The following OSBPL6 variants were observed in gnomAD, a reference collection of about 807,000 sequenced individuals.
OSBPL6 encodes the protein oxysterol-binding protein-related protein 6.
OSBPL6 carries 49 observed loss-of-function variants against 125.8 expected under a neutral mutation model. The observed-to-expected ratio is 0.39, with a 90% confidence interval of 0.31 to 0.49. OSBPL6 has a LOEUF of 0.49. Among genes scored for constraint, OSBPL6 ranks in the 20% least tolerant of loss-of-function variants. The pLI is 0.88. For missense variants in OSBPL6, 986 were observed against 1,135.4 expected (o/e 0.87, Z 1.89); for synonymous variants, 394 against 391.8 (o/e 1.01, Z -0.07).
At chr2:178,369,377 A>C (rs576071216) in intron 13 of OSBPL6, among the ~76,000 whole-genome samples, 2 of 152,198 alleles carry the variant, frequency 1.3e-5, no homozygotes, top group South Asian at 4.1e-4. Flanking sequence ...GCATCAGAAA[A>C]TCCCCAAACC....
chr2:178,235,398 C>CTTTTTTTTTTTTTTTT lies in OSBPL6; in HGVS notation c.-351+40735_-351+40750dup, dbSNP rs540269327. ...CTTTCTTTCCTTTTTCTTTTCTTTT[C>CTTTTTTTTTTTTTTTT]TTTTTTTTTTTTTTTTTTTTTTTTT... On this transcript the variant is annotated intron_variant, in intron 1 of 24. Coordinates refer to ENST00000190611, the MANE Select transcript of OSBPL6 (RefSeq NM_032523.4). Among the ~76,000 whole-genome samples, 252 of 78,018 alleles carry CTTTTTTTTTTTTTTTT rather than the reference C, an allele frequency of 3.2e-3. 8 individuals are homozygous for CTTTTTTTTTTTTTTTT. Among genetic ancestry groups the CTTTTTTTTTTTTTTTT allele is most frequent in the Non-Finnish European group, 4.6e-3 (190 of 40,884 alleles). The allele number at this position is 78,018 out of a possible 152,430, so 51.2% of individuals were successfully genotyped here.
intron 1 of OSBPL6, among the ~76,000 whole-genome samples, chr2:178,208,675 C>G (rs890488187): frequency 7.6e-6 from 1 of 131,952 alleles, no homozygotes; most frequent in Non-Finnish European, 1.6e-5. Flanking sequence ...CCATCCCCTC[C>G]TCTCCCCTCC....
chr2:178,368,229 G>T (rs1412810489), intron 13 of OSBPL6, among the ~76,000 whole-genome samples: 1 of 152,154 alleles, frequency 6.6e-6, no homozygotes, highest in African/African-American at 2.4e-5. Context: ...ATGGCGCTTG[G>T]TTGTAGCAAA....
intron 1 of OSBPL6, among the ~76,000 whole-genome samples, chr2:178,276,764 T>C (rs2092477565): frequency 6.6e-6 from 1 of 151,432 alleles, no homozygotes; most frequent in Non-Finnish European, 1.5e-5. Context: ...TTTTCCCTTT[T>C]ATTACTCCAC....
intron 1 of OSBPL6, among the ~76,000 whole-genome samples, chr2:178,267,896 A>G (rs1263750890): frequency 1.3e-5 from 2 of 151,216 alleles, no homozygotes; most frequent in Non-Finnish European, 1.5e-5. Context: ...CAGTGGAGTG[A>G]TTTTCTCTGC....
At chr2:178,357,317 G>T (rs1313121738) in intron 12 of OSBPL6, among the ~76,000 whole-genome samples, 1 of 152,208 alleles carries the variant, frequency 6.6e-6, no homozygotes, top group Admixed American at 6.5e-5. Flanking sequence ...CAGAATGGGA[G>T]AAGATTTTTG....
chr2:178,354,256 T>C (rs2154093166), intron 12 of OSBPL6, among the ~76,000 whole-genome samples: 1 of 152,278 alleles, frequency 6.6e-6, no homozygotes, highest in African/African-American at 2.4e-5. Flanking sequence ...TAAACGTAAA[T>C]GGGCTAAATG....
At position 178,243,564 on chromosome 2, in the gene OSBPL6, CA is replaced by C. The variant is rs200115274; in HGVS notation, c.-350-41359del. Among the ~76,000 whole-genome samples the C allele has an allele frequency of 7.8e-4, 118 of 152,256 alleles. 2 individuals carry two copies. In the East Asian group the frequency reaches 0.018, roughly 24 times the overall value. On this transcript the variant is annotated intron_variant, in intron 1 of 24. Coordinates refer to ENST00000190611, the MANE Select transcript of OSBPL6 (RefSeq NM_032523.4). Reference sequence around the variant, plus strand: ...TGGCTTAGCCCTATCCATTCATCTCCAAAATATATTCCAAACTCATCCCCTT... The same window carrying C: ...TGGCTTAGCCCTATCCATTCATCTCCAAATATATTCCAAACTCATCCCCTT...
At chr2:178,307,853 C>T (rs934407831) in intron 3 of OSBPL6, among the ~76,000 whole-genome samples, 3 of 152,118 alleles carry the variant, frequency 2.0e-5, no homozygotes, top group Non-Finnish European at 4.4e-5. Context: ...CCTGTAGAAA[C>T]ATCTATCATG....
chr2:178,284,723 T>C (rs1340316697), intron 1 of OSBPL6, among the ~76,000 whole-genome samples: 1 of 152,204 alleles, frequency 6.6e-6, no homozygotes, highest in African/African-American at 2.4e-5. Context: ...ATGTTACTGA[T>C]TACTGAGAAG....
intron 3 of OSBPL6, among the ~76,000 whole-genome samples, chr2:178,310,469 G>A (rs1429323011): frequency 2.9e-5 from 4 of 138,132 alleles, no homozygotes; most frequent in African/African-American, 8.2e-5. Context: ...CCAGACTGGA[G>A]TGCAGTGGCG....
chr2:178,346,592 G>A (rs1359177012), intron 11 of OSBPL6, among the ~76,000 whole-genome samples: 2 of 152,124 alleles, frequency 1.3e-5, no homozygotes, highest in Middle Eastern at 3.2e-3. Flanking sequence ...TTCCTGCGCA[G>A]GGTAGAAAGG....
At chr2:178,336,776 G>A (rs1689726336) in intron 9 of OSBPL6, among the ~76,000 whole-genome samples, 1 of 152,090 alleles carries the variant, frequency 6.6e-6, no homozygotes, top group African/African-American at 2.4e-5. Flanking sequence ...ACACAGAGGA[G>A]TAACCCCCAA....
chr2:178,336,263 T>G, intron 8 of OSBPL6, 38 bp from the exon 9 acceptor site: 1 of 1,594,770 alleles, frequency 6.3e-7, no homozygotes, highest in South Asian at 1.1e-5. Flanking sequence ...TGAAATGTAC[T>G]GTTTCATAAC....
chr2:178,244,280 C>G (rs186344102), intron 1 of OSBPL6, among the ~76,000 whole-genome samples: 170 of 152,294 alleles, frequency 1.1e-3, no homozygotes, highest in Middle Eastern at 6.8e-3. Context: ...CTTCTCCTCC[C>G]CTAGAACTAC....
chr2:178,328,099 G>A (rs993249148), intron 4 of OSBPL6, among the ~76,000 whole-genome samples, 157 bp from the exon 5 acceptor site: 6 of 152,142 alleles, frequency 3.9e-5, no homozygotes, highest in African/African-American at 1.4e-4. Context: ...AAAGTGCATA[G>A]CTGTGTTTGA....
intron 1 of OSBPL6, among the ~76,000 whole-genome samples, chr2:178,211,670 A>G (rs1384777721): frequency 6.6e-6 from 1 of 152,088 alleles, no homozygotes; most frequent in Non-Finnish European, 1.5e-5. Flanking sequence ...CTACATCTTC[A>G]TCTTTGCTTT....
At chr2:178,313,686 T>C (rs1687492672) in intron 3 of OSBPL6, among the ~76,000 whole-genome samples, 1 of 152,252 alleles carries the variant, frequency 6.6e-6, no homozygotes, top group Non-Finnish European at 1.5e-5. Flanking sequence ...TAATGGTCCA[T>C]CTTTTAACAA....
chr2:178,385,574 A>G, intron 19 of OSBPL6, 53 bp downstream of exon 19: 1 of 1,378,462 alleles, frequency 7.3e-7, no homozygotes, highest in Non-Finnish European at 1.0e-6. Flanking sequence ...ATGAAAAAAT[A>G]TCTGGCTTCC....
Sources: gnomAD v4.1 joint callset for allele counts (sites outside exome capture counted in the v4.1 genomes callset) on GRCh38, gnomAD v4.1.1 for gene constraint, MANE v1.5 for transcripts, NCBI Gene and HGNC (gene_info 2026-07-23, HGNC 2026-07-21) for gene names.